The following PCDHB3 variants were observed in gnomAD, a reference collection of about 807,000 sequenced individuals.
PCDHB3 encodes the protein protocadherin beta-3.
For synonymous variants in PCDHB3, 479 were observed against 456.0 expected, an observed-to-expected ratio of 1.05 and a Z score of -0.64; for missense variants, 967 against 1,012.1, an observed-to-expected ratio of 0.96 and a Z score of 0.60.
rs781870849 is a variant in PCDHB3 at position 141,102,398 on chromosome 5, C to T, written c.1749C>T (p.Gly583=). 9.3e-6 allele frequency: 15 copies of T among 1,610,766 alleles called. 1 individual carries two copies. The highest frequency in any genetic ancestry group is 6.6e-5 in the South Asian group (6 of 90,980). Reference sequence around the variant, plus strand: ...TGGTGCCCCGGGCGGCTGAGCCGGGCTACCTGGTGACCAAGGTGGTGGCGG... The same window carrying T: ...TGGTGCCCCGGGCGGCTGAGCCGGGTTACCTGGTGACCAAGGTGGTGGCGG... ...TELVPRAAEP[G]YLVTKVVAVD... Residue 583 remains glycine, a synonymous_variant, in exon 1 of 1, where the codon GGC becomes GGT. Transcript: ENST00000231130.
chr5:141,103,092 T>G lies in PCDHB3; in HGVS notation c.*52T>G. The G allele has an allele frequency of 1.3e-6, 2 of 1,543,676 alleles. No homozygotes were observed. The highest frequency in any genetic ancestry group is 4.5e-5 in the East Asian group (2 of 44,370). On this transcript the variant is annotated 3_prime_UTR_variant, in exon 1 of 1. Coordinates refer to ENST00000231130, the MANE Select transcript of PCDHB3 (RefSeq NM_018937.5). ...GTCTTAGTTAATCTGTGGAAAGTCC[T>G]TTTTTACTGCTTTGTCCATTGGAGA...
Position 141,103,248 on chromosome 5 carries a change from G to C in PCDHB3, c.*208G>C, listed in dbSNP as rs1275903875. The stretch of plus-strand genomic sequence containing the variant: ...TCTGAATGTTTTGTATTTCAATCGA[G>C]AATCCTTAGTCGATAGAACATTTTG... On this transcript the variant is annotated 3_prime_UTR_variant, in exon 1 of 1. Transcript: ENST00000231130. The C allele has an allele frequency of 5.8e-6, 3 of 515,338 alleles. No individual in the cohort carries two copies. The East Asian group carries it at 9.4e-5, about 16-fold the overall frequency. 31.9% of individuals were successfully genotyped at this position (515,338 alleles called of 1,614,324 possible). A position where few individuals can be genotyped will look rare whatever the true frequency, so the allele number is the denominator to read the frequency against.
rs1752004954 is a variant in PCDHB3, at chr5:141,103,103, T to G, written c.*63T>G. 9.8e-6 allele frequency: 15 copies of G among 1,533,812 alleles called. No homozygotes were observed. Among genetic ancestry groups the G allele is most frequent in the Non-Finnish European group, 1.3e-5 (15 of 1,140,754 alleles). On this transcript the variant is annotated 3_prime_UTR_variant, in exon 1 of 1. Coordinates refer to ENST00000231130, the MANE Select transcript of PCDHB3 (RefSeq NM_018937.5). ...TCTGTGGAAAGTCCTTTTTTACTGC[T>G]TTGTCCATTGGAGAGGTCTTTTTTG...
At position 141,102,203 on chromosome 5, in the gene PCDHB3, G is replaced by T. The variant is rs369554627; in HGVS notation, c.1554G>T (p.Ser518=). The T allele has an allele frequency of 8.1e-6, 13 of 1,612,782 alleles. No homozygotes were observed. The African/African-American group carries it at 1.1e-4, about 13-fold the overall frequency. Residue 518 remains serine, a synonymous_variant, in exon 1 of 1, where the codon TCG becomes TCT. Coordinates refer to ENST00000231130, the MANE Select transcript of PCDHB3 (RefSeq NM_018937.5). The stretch of plus-strand genomic sequence containing the variant: ...ACGGCCACCTGTTTGCCCTCAGGTC[G>T]CTGGACTACGAGGCCCTGCAGGCGT... ...ADNGHLFALR[S]LDYEALQAFE... is the part of the protein sequence containing the mutation.
At position 141,101,045 on chromosome 5, in the gene PCDHB3, A is replaced by G; in HGVS notation, c.396A>G (p.Val132=). The change falls in exon 1 of 1, where the codon GTA becomes GTG. Residue 132 remains valine, a synonymous_variant. Coordinates refer to ENST00000231130, the MANE Select transcript of PCDHB3 (RefSeq NM_018937.5). ...TAGATGTAAATGACCATTCTCCGGT[A>G]TTCTTTGAAAATGAAATGCATCTGA... The part of the protein sequence containing the change: ...RIIDVNDHSP[V]FFENEMHLKI... 3 of 1,614,202 alleles carry G rather than the reference A, an allele frequency of 1.9e-6. No homozygotes were observed. Among genetic ancestry groups the G allele is most frequent in the Non-Finnish European group, 2.5e-6 (3 of 1,180,030 alleles).
chr5:141,102,746 G>C lies in PCDHB3; in HGVS notation c.2097G>C (p.Ser699=), dbSNP rs1328549301. 3 of 1,611,872 alleles carry C rather than the reference G, an allele frequency of 1.9e-6. No individual in the cohort carries two copies. The highest frequency in any genetic ancestry group is 3.3e-5 in the Admixed American group (2 of 59,994). ...TGGTGGCATTGGCCTCGGTGTCTTCGCTCTTCCTCTTTTCGGTGCTCCTGT... is the reference window on the plus strand; with the variant it reads ...TGGTGGCATTGGCCTCGGTGTCTTCCCTCTTCCTCTTTTCGGTGCTCCTGT... ...YLVVALASVS[S]LFLFSVLLFV... Residue 699 remains serine, a synonymous_variant, in exon 1 of 1, where the codon TCG becomes TCC. Transcript: ENST00000231130.
rs1456625801 is a variant in PCDHB3 at position 141,103,485 on chromosome 5, C to T, written c.*445C>T. 6.5e-6 allele frequency: 1 copy of T among 154,410 alleles called. No individual in the cohort carries two copies. Among genetic ancestry groups the T allele is most frequent in the African/African-American group, 2.4e-5 (1 of 41,458 alleles). The allele number at this position is 154,410 out of a possible 1,614,324, so 9.6% of individuals were successfully genotyped here. A position where few individuals can be genotyped will look rare whatever the true frequency, so the allele number is the denominator to read the frequency against. On this transcript the variant is annotated 3_prime_UTR_variant, in exon 1 of 1. Transcript: ENST00000231130. ...GCAATGTAGAGAGAGTTCCAAACCACCAATTTTATAATTTCCCTTGTTGAA... is the reference window on the plus strand; with the variant it reads ...GCAATGTAGAGAGAGTTCCAAACCATCAATTTTATAATTTCCCTTGTTGAA...
Position 141,100,635 on chromosome 5 carries a change from G to A in PCDHB3, c.-15G>A, listed in dbSNP as rs782586868. 2.6e-6 allele frequency: 4 copies of A among 1,554,066 alleles called. No homozygotes were observed. The Middle Eastern group carries it at 6.4e-4, about 247-fold the overall frequency. The stretch of plus-strand genomic sequence containing the variant: ...GCTTGGCGACATTCCCTGGAAGAGC[G>A]TGACGGAAAGTGCAATGGAGGCGGG... On this transcript the variant is annotated 5_prime_UTR_variant, in exon 1 of 1. It adds an upstream start codon to the 5' untranslated region. Transcript: ENST00000231130.
At position 141,100,867 on chromosome 5, in the gene PCDHB3, A is replaced by G. The variant is rs782381762; in HGVS notation, c.218A>G (p.Gln73Arg). ...GAQVVSKGNK[Q>R]HFQLSHQTGD... ...CAAGTTGTGTCCAAAGGGAACAAAC[A>G]GCATTTTCAGCTCAGTCATCAGACA... is the stretch of plus-strand genomic sequence containing the variant. Residue 73 changes from glutamine to arginine, a missense_variant, in exon 1 of 1, where the codon CAG becomes CGG. Transcript: ENST00000231130. 2.5e-6 allele frequency: 4 copies of G among 1,614,182 alleles called. No individual in the cohort carries two copies. The highest frequency in any genetic ancestry group is 3.4e-6 in the Non-Finnish European group (4 of 1,180,026).
rs540499398 is a variant in PCDHB3 at position 141,102,019 on chromosome 5, C to A, written c.1370C>A (p.Thr457Asn). Residue 457 changes from threonine to asparagine, a missense_variant, in exon 1 of 1, where the codon ACC becomes AAC. Transcript: ENST00000231130. ...CCCGCCTTCACCCAAATCTCCTACA[C>A]CCTGTTCGTCCGCGAGAACAACAGC... is the stretch of plus-strand genomic sequence containing the variant. ...NAPAFTQISYTLFVRENNSPA... is the reference protein window; with the variant it reads ...NAPAFTQISYNLFVRENNSPA... 12 of 1,613,078 alleles carry A rather than the reference C, an allele frequency of 7.4e-6. No homozygotes were observed. The African/African-American group carries it at 1.2e-4, about 16-fold the overall frequency.
chr5:141,102,543 G>C lies in PCDHB3; in HGVS notation c.1894G>C (p.Glu632Gln). 1 of 1,608,666 alleles carries C rather than the reference G, an allele frequency of 6.2e-7. No homozygotes were observed. The highest frequency in any genetic ancestry group is 1.7e-5 in the Admixed American group (1 of 59,994). Residue 632 changes from glutamate (E) to glutamine (Q), a missense_variant, in exon 1 of 1, where the codon GAG (glutamate) becomes CAG (glutamine). Coordinates refer to ENST00000231130, the MANE Select transcript of PCDHB3 (RefSeq NM_018937.5). ...AGTGCGCACCGCCAGGCTGCTGAGC[G>C]AGCGCGACGCGGCCAAGCACAGGCT... is the stretch of plus-strand genomic sequence containing the variant. ...GEVRTARLLS[E>Q]RDAAKHRLVV...
chr5:141,102,710 C>A lies in PCDHB3; in HGVS notation c.2061C>A (p.Thr687=). The A allele has an allele frequency of 6.2e-7, 1 of 1,611,942 alleles. No individual in the cohort carries two copies. The highest frequency in any genetic ancestry group is 8.5e-7 in the Non-Finnish European group (1 of 1,179,778). The part of the protein sequence containing the change: ...APAQAQADLL[T]VYLVVALASV... ...CCCAGGCCCAGGCCGACTTGCTCACCGTCTACCTGGTGGTGGCATTGGCCT... is the reference window on the plus strand; with the variant it reads ...CCCAGGCCCAGGCCGACTTGCTCACAGTCTACCTGGTGGTGGCATTGGCCT... Residue 687 remains threonine (T), a synonymous_variant, in exon 1 of 1, where the codon ACC becomes ACA. Transcript: ENST00000231130.
In PCDHB3 at chr5:141,101,264, G is replaced by A. The variant is rs575727677; in HGVS notation, c.615G>A (p.Gln205=). ...VLDKALDPEE[Q]PELSLTLTAL... ...ATAAAGCGCTCGATCCGGAGGAGCA[G>A]CCGGAACTCAGCTTAACGCTCACCG... The change falls in exon 1 of 1, where the codon CAG becomes CAA. Residue 205 remains glutamine, a synonymous_variant. Transcript: ENST00000231130. 1.2e-5 allele frequency: 19 copies of A among 1,614,180 alleles called. No homozygotes were observed. In the African/African-American group the frequency reaches 1.3e-4, roughly 11 times the overall value.
rs782820576 is a variant in PCDHB3 at position 141,100,790 on chromosome 5, C to T, written c.141C>T (p.Asn47=). The change falls in exon 1 of 1, where the codon AAC becomes AAT. Residue 47 remains asparagine (N), a synonymous_variant. Coordinates refer to ENST00000231130, the MANE Select transcript of PCDHB3 (RefSeq NM_018937.5). ...AAGAGAAGGGCTTTTTAATAGCCAA[C>T]CTAGCAAAGGATCTGGGACTAAGGG... The part of the protein sequence containing the change: ...EEKEKGFLIA[N]LAKDLGLRVE... 4 of 1,614,082 alleles carry T rather than the reference C, an allele frequency of 2.5e-6. No individual in the cohort carries two copies. In the Admixed American group the frequency reaches 6.7e-5, roughly 27 times the overall value.
In PCDHB3 at chr5:141,102,380, C is replaced by G; in HGVS notation, c.1731C>G (p.Pro577=). The change falls in exon 1 of 1, where the codon CCC becomes CCG. Residue 577 remains proline (P), a synonymous_variant. Transcript: ENST00000231130. The part of the protein sequence containing the change: ...NGSAPCTELV[P]RAAEPGYLVT... The stretch of plus-strand genomic sequence containing the variant: ...CCGCGCCCTGCACCGAGCTGGTGCC[C>G]CGGGCGGCTGAGCCGGGCTACCTGG... 3 of 1,571,058 alleles carry G rather than the reference C, an allele frequency of 1.9e-6. No homozygotes were observed. The highest frequency in any genetic ancestry group is 2.6e-6 in the Non-Finnish European group (3 of 1,143,598).
rs782330582 is a variant in PCDHB3, at chr5:141,101,198, C to G, written c.549C>G (p.Arg183=). 2.5e-6 allele frequency: 4 copies of G among 1,614,034 alleles called. No homozygotes were observed. The South Asian group carries it at 4.4e-5, about 18-fold the overall frequency. ...ATTCCCACTTCCACGTACTCACTCG[C>G]AGTCGTAGGGACGGAAGGAAGTACC... The part of the protein sequence containing the change: ...TPNSHFHVLT[R]SRRDGRKYPE... The change falls in exon 1 of 1, where the codon CGC becomes CGG. Residue 183 remains arginine (R), a synonymous_variant. Transcript: ENST00000231130.
chr5:141,102,185 C>T lies in PCDHB3; in HGVS notation c.1536C>T (p.His512=), dbSNP rs1554272497. The T allele has an allele frequency of 2.5e-6, 4 of 1,612,872 alleles. No homozygotes were observed. Among genetic ancestry groups the T allele is most frequent in the Admixed American group, 3.3e-5 (2 of 60,004 alleles). The part of the protein sequence containing the change: ...SLVSINADNG[H]LFALRSLDYE... ...TCTCCATCAACGCGGACAACGGCCA[C>T]CTGTTTGCCCTCAGGTCGCTGGACT... Residue 512 remains histidine, a synonymous_variant, in exon 1 of 1, where the codon CAC becomes CAT. Coordinates refer to ENST00000231130, the MANE Select transcript of PCDHB3 (RefSeq NM_018937.5).
chr5:141,101,382 C>T lies in PCDHB3; in HGVS notation c.733C>T (p.Pro245Ser), dbSNP rs200158755. ...CGACAATGCACCAGAATTTGCACAGCCGCTCTATGAGGTTGCAGTTCTAGA... is the reference window on the plus strand; with the variant it reads ...CGACAATGCACCAGAATTTGCACAGTCGCTCTATGAGGTTGCAGTTCTAGA... ...INDNAPEFAQ[P>S]LYEVAVLENT... Residue 245 changes from proline (P) to serine (S), a missense_variant, in exon 1 of 1, where the codon CCG (proline) becomes TCG (serine). Physicochemically the swap from Pro to Ser is moderately conservative, Grantham distance 74. Transcript: ENST00000231130. The T allele has an allele frequency of 8.9e-5, 144 of 1,614,022 alleles. No individual in the cohort carries two copies. Among genetic ancestry groups the T allele is most frequent in the Middle Eastern group, 6.6e-4 (4 of 6,084 alleles).
In PCDHB3 at chr5:141,103,779, G is replaced by A. The variant is rs542799652; in HGVS notation, c.*739G>A. On this transcript the variant is annotated 3_prime_UTR_variant, in exon 1 of 1. Transcript: ENST00000231130. ...AATTACCCTTTGGTTTATCTAAAGT[G>A]TGTTCATGATGACTGAGGAAAAAAA... The A allele has an allele frequency of 6.6e-6, 1 of 152,218 alleles. No individual in the cohort carries two copies. Among genetic ancestry groups the A allele is most frequent in the South Asian group, 2.1e-4 (1 of 4,820 alleles). The allele number at this position is 152,218 out of a possible 1,614,324, so 9.4% of individuals were successfully genotyped here. A position where few individuals can be genotyped will look rare whatever the true frequency, so the allele number is the denominator to read the frequency against.
Sources: gnomAD v4.1 joint callset for allele counts on GRCh38, gnomAD v4.1.1 for gene constraint, MANE v1.5 for transcripts, NCBI Gene and HGNC (gene_info 2026-07-23, HGNC 2026-07-21) for gene names.